The following NWD2 variants were observed in gnomAD, a reference collection of about 807,000 sequenced individuals.
The protein encoded by NWD2 is NACHT and WD repeat domain-containing protein 2.
Under a neutral mutation model 132.7 loss-of-function variants are expected in NWD2, and 37 were observed. That is an observed-to-expected ratio of 0.28 (90% confidence interval 0.21 to 0.37). The LOEUF (loss-of-function observed/expected upper bound fraction) is 0.37. Ranked by LOEUF, NWD2 falls within the 10% of genes least tolerant of loss-of-function variation. NWD2 has a pLI of 1.00. For missense variants in NWD2, 1,592 were observed against 2,122.4 expected (o/e 0.75, Z 4.91); for synonymous variants, 705 against 803.0 (o/e 0.88, Z 2.06).
At chr4:37,391,100 G>A (rs1042592688) in intron 3 of NWD2, among the ~76,000 whole-genome samples, 4 of 152,048 alleles carry the variant, frequency 2.6e-5, no homozygotes, top group Non-Finnish European at 5.9e-5. Context: ...AGTACAGTTC[G>A]ATTATTTTAC....
intron 1 of NWD2, among the ~76,000 whole-genome samples, chr4:37,307,021 CAAAA>C (rs749143872): frequency 7.7e-5 from 8 of 104,284 alleles, no homozygotes; most frequent in Admixed American, 1.1e-4. Context: ...GAGACTCCAT[CAAAA>C]AAAAAAAAAA....
intron 3 of NWD2, among the ~76,000 whole-genome samples, chr4:37,395,262 T>C (rs1720763665): frequency 6.6e-6 from 1 of 151,268 alleles, no homozygotes; most frequent in African/African-American, 2.4e-5. Flanking sequence ...GGCTAAGTCT[T>C]CTTAAATTTG....
intron 1 of NWD2, among the ~76,000 whole-genome samples, chr4:37,261,481 T>C (rs1005777452): frequency 1.3e-5 from 2 of 152,202 alleles, no homozygotes; most frequent in African/African-American, 4.8e-5. Context: ...GCCATAAAAG[T>C]AGGCATGCCT....
At chr4:37,318,319 C>T (rs1560393555) in intron 1 of NWD2, among the ~76,000 whole-genome samples, 1 of 152,136 alleles carries the variant, frequency 6.6e-6, no homozygotes, top group Non-Finnish European at 1.5e-5. Context: ...AGCCACTGCG[C>T]CTGGCCAATC....
Position 37,444,582 on chromosome 4 carries a change from T to C in NWD2, c.2594T>C (p.Ile865Thr). ...AACTTCAGCTGGCTTTATACCATGA[T>C]CAAAATTGGCCAGTTTGACAAAGTG... ...IMNFSWLYTM[I>T]KIGQFDKVLS... The change falls in exon 7 of 7, where the codon ATC (isoleucine) becomes ACC (threonine). Residue 865 changes from isoleucine (I) to threonine (T), a missense_variant. By Grantham distance (89) the Ile-to-Thr change is moderately conservative (BLOSUM62 -1). Coordinates refer to ENST00000309447, the MANE Select transcript of NWD2 (RefSeq NM_001144990.2). This position sits in a 1 kb window ranked among gnomAD's most constrained non-coding sequence, Gnocchi z 4.8. The C allele has an allele frequency of 1.3e-6, 2 of 1,551,940 alleles. No individual in the cohort carries two copies. The highest frequency in any genetic ancestry group is 1.2e-5 in the South Asian group (1 of 84,054).
intron 1 of NWD2, among the ~76,000 whole-genome samples, chr4:37,293,960 C>T (rs1718421669): frequency 1.3e-5 from 2 of 151,156 alleles, no homozygotes. Context: ...CTATTCTAAA[C>T]TAGTAAAAAG....
Position 37,356,476 on chromosome 4 carries a change from T to C in NWD2, c.351T>C (p.Cys117=). The part of the protein sequence containing the change: ...ENCLKTSAGP[C]FVGLLGEKYG... Reference sequence around the variant, plus strand: ...GCTTGAAAACTTCTGCAGGTCCATGTTTTGTTGTGGGTATAAAAAAACTAA... The same window carrying C: ...GCTTGAAAACTTCTGCAGGTCCATGCTTTGTTGTGGGTATAAAAAAACTAA... The change falls in exon 3 of 7, where the codon TGT becomes TGC. Residue 117 remains cysteine (C), a synonymous_variant. Transcript: ENST00000309447. 6.5e-7 allele frequency: 1 copy of C among 1,540,888 alleles called. No individual in the cohort carries two copies. The highest frequency in any genetic ancestry group is 1.4e-5 in the African/African-American group (1 of 72,936).
chr4:37,368,257 A>T (rs1230893542), intron 3 of NWD2, among the ~76,000 whole-genome samples: 1 of 152,200 alleles, frequency 6.6e-6, no homozygotes, highest in Non-Finnish European at 1.5e-5. Flanking sequence ...TGCAAATTGT[A>T]AAAACAAAGA....
chr4:37,346,691 C>T (rs367828160), intron 2 of NWD2, among the ~76,000 whole-genome samples: 13 of 152,136 alleles, frequency 8.5e-5, no homozygotes, highest in East Asian at 3.9e-4. Context: ...TTTCTTTCGA[C>T]AATTTTTCTG....
intron 1 of NWD2, among the ~76,000 whole-genome samples, chr4:37,256,774 C>T (rs778209806): frequency 6.6e-6 from 1 of 152,158 alleles, no homozygotes; most frequent in Non-Finnish European, 1.5e-5. Flanking sequence ...CTCTCTCTCT[C>T]CTCTAAGAAG....
intron 3 of NWD2, among the ~76,000 whole-genome samples, chr4:37,425,851 G>T (rs1711996011): frequency 6.6e-6 from 1 of 152,186 alleles, no homozygotes; most frequent in Non-Finnish European, 1.5e-5. Flanking sequence ...GCTCATAGCT[G>T]CTGTGGCTGC....
At chr4:37,256,859 C>T (rs920701470) in intron 1 of NWD2, among the ~76,000 whole-genome samples, 8 of 152,092 alleles carry the variant, frequency 5.3e-5, no homozygotes, top group African/African-American at 1.9e-4. Flanking sequence ...TTAGTGAAAT[C>T]ACTGACATGC....
intron 2 of NWD2, among the ~76,000 whole-genome samples, chr4:37,349,388 G>T (rs1288522852): frequency 6.6e-6 from 1 of 152,192 alleles, no homozygotes; most frequent in East Asian, 1.9e-4. Flanking sequence ...ACTGGCATGA[G>T]ATGGTATCTC....
At chr4:37,411,129 A>G (rs550322972) in intron 3 of NWD2, among the ~76,000 whole-genome samples, 2 of 152,330 alleles carry the variant, frequency 1.3e-5, no homozygotes, top group Admixed American at 1.3e-4. Context: ...GCAGAAGACA[A>G]CAAATAACTA....
intron 1 of NWD2, among the ~76,000 whole-genome samples, chr4:37,268,524 G>A (rs1717805090): frequency 6.6e-6 from 1 of 151,968 alleles, no homozygotes; most frequent in Non-Finnish European, 1.5e-5. Flanking sequence ...CATGGACAGT[G>A]CCTTGCCAGG....
chr4:37,316,604 A>G (rs952104565), intron 1 of NWD2, among the ~76,000 whole-genome samples: 5 of 151,818 alleles, frequency 3.3e-5, no homozygotes, highest in African/African-American at 7.3e-5. Context: ...CTCACTTTAC[A>G]TAGATATTAG....
intron 1 of NWD2, among the ~76,000 whole-genome samples, chr4:37,296,521 C>T (rs569554799): frequency 5.9e-5 from 9 of 152,156 alleles, no homozygotes; most frequent in Middle Eastern, 3.4e-3. Flanking sequence ...TAGAAAATAA[C>T]GAAATAATGT....
intron 3 of NWD2, among the ~76,000 whole-genome samples, chr4:37,401,015 G>C (rs926224357): frequency 6.6e-6 from 1 of 152,148 alleles, no homozygotes; most frequent in Non-Finnish European, 1.5e-5. Flanking sequence ...TTTTGTACAA[G>C]GCACAAACAG....
chr4:37,413,409 A>G (rs1721201872), intron 3 of NWD2, among the ~76,000 whole-genome samples: 1 of 152,230 alleles, frequency 6.6e-6, no homozygotes, highest in Non-Finnish European at 1.5e-5. Context: ...TGCAAATTAA[A>G]ACCACAGTGA....
Sources: allele counts gnomAD v4.1 joint callset (sites outside exome capture counted in the v4.1 genomes callset), GRCh38; gene constraint gnomAD v4.1.1; non-coding constraint Gnocchi (gnomAD v3.1); transcripts MANE v1.5; gene names NCBI Gene and HGNC (gene_info 2026-07-23, HGNC 2026-07-21).